Variants in SOX5 observed in about 807,000 individuals in gnomAD.
The protein encoded by SOX5 is transcription factor SOX-5.
A neutral mutation model predicts 92.0 loss-of-function variants in SOX5; 9 were observed. The observed-to-expected ratio is 0.10, with a 90% CI of 0.06 to 0.17. The LOEUF (loss-of-function observed/expected upper bound fraction) is 0.17, where lower values mean the gene tolerates loss of function less well. SOX5 is among the 10% of genes least tolerant of loss of function. The probability of loss-of-function intolerance (pLI) is 1.00; values close to 1 mark genes in which losing one functional copy is unlikely to be tolerated. For synonymous variants in SOX5, 344 were observed against 336.3 expected, an observed-to-expected ratio of 1.02 and a Z score of -0.25; for missense variants, 642 against 944.5, an observed-to-expected ratio of 0.68 and a Z score of 4.20.
intron 4 of SOX5, among the ~76,000 whole-genome samples, chr12:24,067,115 C>T (rs1940878530): frequency 6.6e-6 from 1 of 152,188 alleles, no homozygotes; most frequent in Admixed American, 6.5e-5. Flanking sequence ...AAAGATGACT[C>T]ACTCGCAGAG....
At chr12:24,478,948 C>T (rs1421947330) in intron 1 of SOX5, among the ~76,000 whole-genome samples, 2 of 152,214 alleles carry the variant, frequency 1.3e-5, no homozygotes, top group Non-Finnish European at 2.9e-5. Flanking sequence ...CAAATAACAT[C>T]CAGCTTATTG....
intron 2 of SOX5, among the ~76,000 whole-genome samples, chr12:24,282,642 C>A (rs1046327306): frequency 1.2e-4 from 19 of 152,022 alleles, no homozygotes; most frequent in African/African-American, 4.6e-4. Context: ...GTGTTATTTA[C>A]CGAGCACTAT....
At chr12:24,388,023 G>A (rs181342612) in intron 1 of SOX5, among the ~76,000 whole-genome samples, 10 of 152,164 alleles carry the variant, frequency 6.6e-5, no homozygotes, top group African/African-American at 1.2e-4. Flanking sequence ...TACAATTGGT[G>A]TCAATATGCC....
At chr12:24,441,087 T>C (rs1320917774) in intron 1 of SOX5, among the ~76,000 whole-genome samples, 3 of 152,210 alleles carry the variant, frequency 2.0e-5, no homozygotes, top group African/African-American at 4.8e-5. Flanking sequence ...AACGGCTGCA[T>C]TGAACACCCA....
intron 6 of SOX5, among the ~76,000 whole-genome samples, chr12:23,670,136 G>T (rs1191357435): frequency 6.6e-6 from 1 of 152,176 alleles, no homozygotes; most frequent in Non-Finnish European, 1.5e-5. Context: ...GGAATTTCAA[G>T]ATTGAGGGAG....
At chr12:23,553,031 GTC>G (rs751730480) in intron 11 of SOX5, among the ~76,000 whole-genome samples, 1 of 151,914 alleles carries the variant, frequency 6.6e-6, no homozygotes, top group Non-Finnish European at 1.5e-5. Context: ...CTCCACTGAA[GTC>G]TCTTTTTCAG....
Position 24,440,326 on chromosome 12 carries a change from A to T in SOX5, c.-250-71687T>A, listed in dbSNP as rs146567775. 6.6e-5 allele frequency among the ~76,000 whole-genome samples: 10 copies of T among 152,234 alleles called. No homozygotes were observed. In the East Asian group the frequency reaches 1.9e-3, roughly 29 times the overall value. Reference sequence around the variant, plus strand: ...TTCTGCTGAGGTTATCTTCCTCCTGACAGTAAATTCTTCAGTGTGTGGGGT... The same window carrying T: ...TTCTGCTGAGGTTATCTTCCTCCTGTCAGTAAATTCTTCAGTGTGTGGGGT... On this transcript the variant is annotated intron_variant, in intron 1 of 4. Coordinates refer to the SOX5 transcript ENST00000446891.
At chr12:24,287,214 A>C (rs888534498) in intron 2 of SOX5, among the ~76,000 whole-genome samples, 1 of 152,232 alleles carries the variant, frequency 6.6e-6, no homozygotes, top group Non-Finnish European at 1.5e-5. Flanking sequence ...TTCATATTTG[A>C]CCCAAAAGAA....
chr12:24,275,126 G>A (rs936777474), intron 3 of SOX5, among the ~76,000 whole-genome samples: 3 of 151,908 alleles, frequency 2.0e-5, no homozygotes, highest in Non-Finnish European at 1.5e-5. Flanking sequence ...TAACAAACAG[G>A]GGCACTTAGC....
intron 3 of SOX5, chr12:24,213,419 T>TAATAA (rs1958853682): frequency 1.0e-5 from 1 of 96,864 alleles, no homozygotes; most frequent in Admixed American, 1.2e-4. Context: ...CTTGAAATGC[T>TAATAA]AAAAAAAAAA....
chr12:24,359,128 A>C (rs1955210993), intron 2 of SOX5, among the ~76,000 whole-genome samples: 1 of 152,176 alleles, frequency 6.6e-6, no homozygotes, highest in South Asian at 2.1e-4. Context: ...AAATTCTCAT[A>C]TATTTCAAAA....
At chr12:23,810,351 A>G (rs551905828) in intron 3 of SOX5, among the ~76,000 whole-genome samples, 39 of 152,260 alleles carry the variant, frequency 2.6e-4, no homozygotes, top group African/African-American at 9.4e-4. Flanking sequence ...CAGCATCACA[A>G]TACCAGTCCC....
At chr12:23,770,548 A>ATT (rs74309645) in intron 3 of SOX5, among the ~76,000 whole-genome samples, 28 of 151,646 alleles carry the variant, frequency 1.8e-4, no homozygotes, top group South Asian at 4.2e-4. Flanking sequence ...CTTTTTTCAG[A>ATT]TTTTTTTTTC....
intron 3 of SOX5, among the ~76,000 whole-genome samples, chr12:24,256,270 T>A (rs1483424588): frequency 6.6e-6 from 1 of 152,238 alleles, no homozygotes; most frequent in Non-Finnish European, 1.5e-5. Context: ...GATGCAAAGA[T>A]TGAAGTGTTA....
chr12:24,431,046 G>C (rs142240829), intron 1 of SOX5, among the ~76,000 whole-genome samples: 17 of 152,246 alleles, frequency 1.1e-4, no homozygotes, highest in Non-Finnish European at 2.1e-4. Context: ...CCATAGATGA[G>C]CAAATATAAA....
chr12:24,087,182 A>G (rs1944102028), intron 4 of SOX5, among the ~76,000 whole-genome samples: 1 of 151,946 alleles, frequency 6.6e-6, no homozygotes, highest in African/African-American at 2.4e-5. Flanking sequence ...CTCTCTCTTT[A>G]TATTTTAGAA....
chr12:24,462,395 G>A (rs755252649), intron 1 of SOX5, among the ~76,000 whole-genome samples: 5 of 152,162 alleles, frequency 3.3e-5, no homozygotes, highest in East Asian at 1.9e-4. Flanking sequence ...GCTGTATATG[G>A]AAGAGCTCTG....
chr12:24,514,794 A>T (rs574058800), intron 1 of SOX5, among the ~76,000 whole-genome samples: 1 of 152,336 alleles, frequency 6.6e-6, no homozygotes, highest in East Asian at 1.9e-4. Context: ...TAGCAAACTA[A>T]CATAAGAACA....
At chr12:23,534,704 C>CTTTTTTTTTT (rs60460683) in intron 14 of SOX5, among the ~76,000 whole-genome samples, 182 bp from the exon 15 acceptor site, 165 of 108,754 alleles carry the variant, frequency 1.5e-3, no homozygotes, top group Non-Finnish European at 2.1e-3. Flanking sequence ...CTTTTCTTTT[C>CTTTTTTTTTT]TTTTTTTTTT....
Sources: gnomAD v4.1 joint callset for allele counts (sites outside exome capture counted in the v4.1 genomes callset) on GRCh38, gnomAD v4.1.1 for gene constraint, MANE v1.5 for transcripts, NCBI Gene and HGNC (gene_info 2026-07-23, HGNC 2026-07-21) for gene names.